The following NCK1 variants were observed in gnomAD, a reference collection of about 807,000 sequenced individuals.
NCK1 encodes the protein NCK adaptor protein 1.
Under a neutral mutation model 36.6 loss-of-function variants are expected in NCK1, and 19 were observed. The observed-to-expected ratio is 0.52, with a 90% confidence interval of 0.36 to 0.76. NCK1 has a LOEUF of 0.76. NCK1 is among the 30% of genes least tolerant of loss of function. The probability of loss-of-function intolerance (pLI) is 0.00; values close to 1 mark genes in which losing one functional copy is unlikely to be tolerated. For synonymous variants in NCK1, 165 were observed against 156.0 expected (o/e 1.06, Z -0.43); for missense variants, 358 against 445.6 (o/e 0.80, Z 1.77).
At chr3:136,868,297 A>G (rs936526484) in intron 1 of NCK1, among the ~76,000 whole-genome samples, 3 of 152,142 alleles carry the variant, frequency 2.0e-5, no homozygotes, top group Non-Finnish European at 4.4e-5. Context: ...TATTAACACC[A>G]TTAACAAAAA....
At chr3:136,936,533 T>A (rs558107063) in intron 2 of NCK1, among the ~76,000 whole-genome samples, 1 of 152,332 alleles carries the variant, frequency 6.6e-6, no homozygotes, top group East Asian at 1.9e-4. Context: ...GATCGTATGG[T>A]AATTCTTTGC....
intron 1 of NCK1, among the ~76,000 whole-genome samples, chr3:136,892,020 C>T (rs1939259822): frequency 6.6e-6 from 1 of 152,082 alleles, no homozygotes; most frequent in Non-Finnish European, 1.5e-5. Flanking sequence ...TCCTGAGTAG[C>T]TAGGACTATA....
chr3:136,895,225 G>A (rs1439959677), intron 1 of NCK1, among the ~76,000 whole-genome samples: 4 of 152,172 alleles, frequency 2.6e-5, no homozygotes, highest in Admixed American at 6.5e-5. Flanking sequence ...TCACTTTAAC[G>A]TAGTCAACTA....
chr3:136,937,536 T>A (rs551499988), intron 2 of NCK1, among the ~76,000 whole-genome samples: 1 of 152,348 alleles, frequency 6.6e-6, no homozygotes, highest in East Asian at 1.9e-4. Flanking sequence ...AAGAATTGCA[T>A]TGAATCTGTG....
intron 1 of NCK1, among the ~76,000 whole-genome samples, chr3:136,924,880 A>G (rs897455564): frequency 1.3e-5 from 2 of 152,146 alleles, no homozygotes; most frequent in African/African-American, 2.4e-5. Context: ...TCCGGCATAT[A>G]TGGGTTAAAA....
chr3:136,897,723 A>G (rs1307654042), intron 1 of NCK1, among the ~76,000 whole-genome samples: 1 of 152,156 alleles, frequency 6.6e-6, no homozygotes, highest in African/African-American at 2.4e-5. Flanking sequence ...CACAGTTCTA[A>G]ATTAATTATT....
chr3:136,899,993 T>C, intron 1 of NCK1: 2 of 686,498 alleles, frequency 2.9e-6, no homozygotes, highest in Non-Finnish European at 5.3e-6. Flanking sequence ...AAGGTACAGT[T>C]GCAGAAACAA....
intron 1 of NCK1, among the ~76,000 whole-genome samples, chr3:136,890,368 C>T (rs748172127): frequency 1.3e-5 from 2 of 152,066 alleles, no homozygotes; most frequent in African/African-American, 2.4e-5. Flanking sequence ...CCCCAGTTCC[C>T]GCTGGCGCCT....
intron 1 of NCK1, among the ~76,000 whole-genome samples, chr3:136,924,148 C>A (rs1369537024): frequency 6.6e-6 from 1 of 152,108 alleles, no homozygotes; most frequent in Admixed American, 6.5e-5. Context: ...TACAAATCTA[C>A]CATTCAGTCT....
rs1453551155 is a variant in NCK1, at chr3:136,945,592, A to T, written c.236A>T (p.Lys79Ile). The T allele has an allele frequency of 1.3e-6, 2 of 1,598,408 alleles. No individual in the cohort carries two copies. The highest frequency in any genetic ancestry group is 1.7e-6 in the Non-Finnish European group (2 of 1,171,256). Residue 79 changes from lysine to isoleucine, a missense_variant, in exon 3 of 4, where the codon AAA (lysine) becomes ATA (isoleucine). Around this residue, in one of 3 missense-constraint regions of NCK1, gnomAD observed 143 missense variants for 162.4 expected, o/e 0.88. Coordinates refer to ENST00000481752, the MANE Select transcript of NCK1 (RefSeq NM_001291999.2). ...KNLKDTLGIGKVKRKPSVPDS... is the reference protein window; with the variant it reads ...KNLKDTLGIGIVKRKPSVPDS... ...TTTTTAATTTCAACAGGCATTGGAA[A>T]AGTGAAAAGAAAACCTAGTGTGCCA...
chr3:136,889,369 A>G, intron 1 of NCK1: 1 of 155,128 alleles, frequency 6.4e-6, no homozygotes, highest in Non-Finnish European at 1.4e-5. Context: ...ATGTGTTCGG[A>G]GTTTCTTCCT....
At chr3:136,902,603 A>G (rs966810347) in intron 1 of NCK1, among the ~76,000 whole-genome samples, 4 of 152,178 alleles carry the variant, frequency 2.6e-5, no homozygotes, top group African/African-American at 4.8e-5. Context: ...AACTTGATCT[A>G]TCCTGGAGAA....
chr3:136,934,122 A>G (rs535656044), intron 2 of NCK1, among the ~76,000 whole-genome samples: 23 of 152,186 alleles, frequency 1.5e-4, no homozygotes, highest in Non-Finnish European at 3.4e-4. Flanking sequence ...ATAGACTTCT[A>G]AAAATTTTTT....
chr3:136,926,133 C>T (rs921721224), intron 1 of NCK1, among the ~76,000 whole-genome samples: 14 of 151,802 alleles, frequency 9.2e-5, no homozygotes, highest in Non-Finnish European at 1.9e-4. Context: ...CAGTGAATGC[C>T]TCTTCATGTT....
intron 1 of NCK1, among the ~76,000 whole-genome samples, chr3:136,892,923 G>A (rs1369364264): frequency 6.6e-6 from 1 of 151,860 alleles, no homozygotes; most frequent in African/African-American, 2.4e-5. Flanking sequence ...CAACAGCAAT[G>A]TACACTGTAC....
chr3:136,915,850 C>G (rs927175653), intron 1 of NCK1, among the ~76,000 whole-genome samples: 2 of 151,922 alleles, frequency 1.3e-5, no homozygotes, highest in South Asian at 4.2e-4. Context: ...CTCAGCCTCC[C>G]GAGTAGCTGG....
intron 2 of NCK1, among the ~76,000 whole-genome samples, chr3:136,939,406 A>G (rs950620525): frequency 6.6e-6 from 1 of 152,098 alleles, no homozygotes; most frequent in African/African-American, 2.4e-5. Context: ...TTTTCAAATA[A>G]CCACATTTTG....
rs71304270 is a variant in NCK1, at chr3:136,905,007, C to CTTTTTTTTTTTTTT, written c.-18-22973_-18-22960dup. On this transcript the variant is annotated intron_variant, in intron 1 of 3. Coordinates refer to ENST00000481752, the MANE Select transcript of NCK1 (RefSeq NM_001291999.2). ...TTCTGGAATTCCTGTTTGGTTTTTC[C>CTTTTTTTTTTTTTT]TTTTTTTTTTTTTTTTTCTTTTTGA... Among the ~76,000 whole-genome samples, 15 of 128,324 alleles carry CTTTTTTTTTTTTTT rather than the reference C, an allele frequency of 1.2e-4. 1 individual carries two copies. Among genetic ancestry groups the CTTTTTTTTTTTTTT allele is most frequent in the African/African-American group, 1.5e-4 (5 of 34,040 alleles). The allele number at this position is 128,324 out of a possible 152,430, so 84.2% of individuals were successfully genotyped here. A position where few individuals can be genotyped will look rare whatever the true frequency, so the allele number is the denominator to read the frequency against.
At chr3:136,884,830 C>T (rs1183038720) in intron 1 of NCK1, among the ~76,000 whole-genome samples, 1 of 151,400 alleles carries the variant, frequency 6.6e-6, no homozygotes, top group Non-Finnish European at 1.5e-5. Context: ...AAGGGATTCT[C>T]CTGCCTCAGC....
Sources: gnomAD v4.1 joint callset for allele counts (sites outside exome capture counted in the v4.1 genomes callset) on GRCh38, gnomAD v4.1.1 for gene constraint, gnomAD v4.1.1 regional missense constraint, MANE v1.5 for transcripts, NCBI Gene and HGNC (gene_info 2026-07-23, HGNC 2026-07-21) for gene names.